The following KCNIP4 variants were observed in gnomAD, a reference collection of about 807,000 sequenced individuals.
KCNIP4 encodes potassium voltage-gated channel interacting protein 4.
KCNIP4 carries 12 observed loss-of-function variants against 34.0 expected under a neutral mutation model. That is an observed-to-expected ratio of 0.35 (90% CI 0.23 to 0.57). The LOEUF (loss-of-function observed/expected upper bound fraction) is 0.57, where lower values mean the gene tolerates loss of function less well. KCNIP4 is among the 20% of genes least tolerant of loss of function. KCNIP4 has a pLI of 0.83. For synonymous variants in KCNIP4, 124 were observed against 102.2 expected, an observed-to-expected ratio of 1.21 and a Z score of -1.29; for missense variants, 238 against 311.7, an observed-to-expected ratio of 0.76 and a Z score of 1.78.
intron 1 of KCNIP4, among the ~76,000 whole-genome samples, chr4:21,513,560 T>C (rs1033870839): frequency 3.9e-5 from 6 of 152,222 alleles, no homozygotes; most frequent in African/African-American, 1.4e-4. Context: ...CAGGATTGTG[T>C]TCAATGTATT....
intron 1 of KCNIP4, among the ~76,000 whole-genome samples, chr4:20,899,151 A>G (rs1301465663): frequency 1.3e-5 from 2 of 152,220 alleles, no homozygotes; most frequent in South Asian, 4.1e-4. Flanking sequence ...TACAAATTAT[A>G]TCAATGTGGG....
intron 1 of KCNIP4, among the ~76,000 whole-genome samples, chr4:21,570,666 T>C (rs1003057156): frequency 6.6e-6 from 1 of 152,146 alleles, no homozygotes; most frequent in East Asian, 1.9e-4. Context: ...AGCATGTCAA[T>C]GGATTAGGAA....
chr4:21,856,314 A>T (rs1724751919), intron 1 of KCNIP4, among the ~76,000 whole-genome samples: 1 of 152,196 alleles, frequency 6.6e-6, no homozygotes, highest in Non-Finnish European at 1.5e-5. Context: ...CCAAATGGGG[A>T]TTAAATTTAT....
At chr4:21,552,771 T>C (rs1738684669) in intron 1 of KCNIP4, among the ~76,000 whole-genome samples, 1 of 152,154 alleles carries the variant, frequency 6.6e-6, no homozygotes, top group Non-Finnish European at 1.5e-5. Flanking sequence ...GTAGCTTATC[T>C]TGCTGTAGAG....
intron 1 of KCNIP4, among the ~76,000 whole-genome samples, chr4:21,522,803 T>A (rs796223285): frequency 3.9e-5 from 6 of 152,222 alleles, no homozygotes; most frequent in Middle Eastern, 3.4e-3. Flanking sequence ...GATTATTGAA[T>A]GGATTAAATA....
chr4:21,794,170 G>A (rs1021203347), intron 1 of KCNIP4, among the ~76,000 whole-genome samples: 2 of 152,154 alleles, frequency 1.3e-5, no homozygotes, highest in African/African-American at 4.8e-5. Context: ...TATACCTAAT[G>A]TAAATGACTA....
At chr4:20,783,982 G>A (rs1191847610) in intron 3 of KCNIP4, among the ~76,000 whole-genome samples, 1 of 152,104 alleles carries the variant, frequency 6.6e-6, no homozygotes, top group Middle Eastern at 3.2e-3. Flanking sequence ...GGCAGGCCTG[G>A]TTCCTGCCCC....
At chr4:21,643,870 T>TGATAGATAGATAGATAGATAGATA (rs5856654) in intron 1 of KCNIP4, among the ~76,000 whole-genome samples, 1 of 107,710 alleles carries the variant, frequency 9.3e-6, no homozygotes, top group Non-Finnish European at 2.0e-5. Context: ...ATGATGATGA[T>TGATAGATAGATAGATAGATAGATA]GATAGATAGA....
intron 1 of KCNIP4, among the ~76,000 whole-genome samples, chr4:21,018,157 C>T (rs1398490003): frequency 6.6e-6 from 1 of 152,150 alleles, no homozygotes; most frequent in Non-Finnish European, 1.5e-5. Context: ...TCTGATTCCT[C>T]AACAAGCTTT....
intron 1 of KCNIP4, among the ~76,000 whole-genome samples, chr4:21,478,841 C>A (rs535165961): frequency 6.6e-6 from 1 of 152,250 alleles, no homozygotes; most frequent in East Asian, 1.9e-4. Flanking sequence ...ATGTTCTTTA[C>A]AATTTGATCA....
intron 1 of KCNIP4, among the ~76,000 whole-genome samples, chr4:21,413,279 T>C (rs1167745459): frequency 6.6e-6 from 1 of 152,166 alleles, no homozygotes; most frequent in Non-Finnish European, 1.5e-5. Flanking sequence ...AACTGCCACA[T>C]GGAAAAGGCC....
In KCNIP4 at chr4:21,504,151, G is replaced by C. The variant is rs183171927; in HGVS notation, c.61+444420C>G. Among the ~76,000 whole-genome samples, 29 of 152,080 alleles carry C rather than the reference G, an allele frequency of 1.9e-4. 1 individual carries two copies. In the South Asian group the frequency reaches 5.4e-3, roughly 28 times the overall value. ...ATATTGCACGTCTGTACCCAGCCTG[G>C]TCAACAATGTAGTCATGATAGAGTG... On this transcript the variant is annotated intron_variant, in intron 1 of 8. Coordinates refer to ENST00000382152, the MANE Select transcript of KCNIP4 (RefSeq NM_025221.6).
At chr4:21,429,832 T>G (rs2109661087) in intron 1 of KCNIP4, among the ~76,000 whole-genome samples, 1 of 152,320 alleles carries the variant, frequency 6.6e-6, no homozygotes, top group Admixed American at 6.5e-5. Flanking sequence ...GATGATTTAT[T>G]CTTACCAAAT....
At chr4:21,758,157 C>A (rs1717792726) in intron 1 of KCNIP4, among the ~76,000 whole-genome samples, 1 of 152,126 alleles carries the variant, frequency 6.6e-6, no homozygotes, top group Non-Finnish European at 1.5e-5. Flanking sequence ...ATCATTCATT[C>A]AATTAAAGTT....
intron 3 of KCNIP4, among the ~76,000 whole-genome samples, chr4:20,846,607 G>A (rs1245134341): frequency 2.0e-5 from 3 of 151,928 alleles, no homozygotes; most frequent in Non-Finnish European, 4.4e-5. Context: ...CCAGTTAACT[G>A]AATAAAAATC....
At chr4:21,635,687 C>T (rs200036039) in intron 1 of KCNIP4, among the ~76,000 whole-genome samples, 4 of 152,162 alleles carry the variant, frequency 2.6e-5, no homozygotes, top group East Asian at 1.9e-4. Flanking sequence ...TTACACTGTT[C>T]GTGGGACTGT....
intron 1 of KCNIP4, among the ~76,000 whole-genome samples, chr4:21,764,636 C>T (rs144121313): frequency 3.3e-5 from 5 of 152,182 alleles, no homozygotes; most frequent in East Asian, 1.9e-4. Context: ...TGGCTTTGCT[C>T]TTTAATACTG....
rs149000926 is a variant in KCNIP4 at position 21,040,119 on chromosome 4, A to C, written c.62-157410T>G. ...GAACAGCATGTGGGATGCTGCCCCC[A>C]TGATCCAATCACCTCCTACCAGGTC... On this transcript the variant is annotated intron_variant, in intron 1 of 8. Coordinates refer to ENST00000382152, the MANE Select transcript of KCNIP4 (RefSeq NM_025221.6). 5.0e-4 allele frequency among the ~76,000 whole-genome samples: 76 copies of C among 152,274 alleles called. No homozygotes were observed. The East Asian group carries it at 9.1e-3, about 18-fold the overall frequency.
At chr4:21,708,697 C>A (rs992109421) in intron 1 of KCNIP4, among the ~76,000 whole-genome samples, 28 of 152,092 alleles carry the variant, frequency 1.8e-4, no homozygotes, top group Admixed American at 1.2e-3. Flanking sequence ...AAGGAAGCCT[C>A]ATTTTCAGTT....
Sources: allele counts gnomAD v4.1 joint callset (sites outside exome capture counted in the v4.1 genomes callset), GRCh38; gene constraint gnomAD v4.1.1; transcripts MANE v1.5; gene names NCBI Gene and HGNC (gene_info 2026-07-23, HGNC 2026-07-21).